RBFOX3: variants seen among roughly 807,000 people sequenced by gnomAD.
RBFOX3 encodes RNA binding fox-1 homolog 3, also known as RNA binding protein fox-1 homolog 3.
RBFOX3 carries 17 observed loss-of-function variants against 48.7 expected under a neutral mutation model. The observed-to-expected ratio is 0.35, with a 90% CI of 0.24 to 0.52. The LOEUF (loss-of-function observed/expected upper bound fraction) is 0.52. Among genes scored for constraint, RBFOX3 ranks in the 20% least tolerant of loss-of-function variants. RBFOX3 has a pLI of 0.94. For synonymous variants in RBFOX3, 212 were observed against 209.5 expected, an observed-to-expected ratio of 1.01 and a Z score of -0.10; for missense variants, 382 against 497.5, an observed-to-expected ratio of 0.77 and a Z score of 2.21.
intron 2 of RBFOX3, among the ~76,000 whole-genome samples, chr17:79,395,524 A>G (rs565718308): frequency 6.6e-6 from 1 of 152,348 alleles, no homozygotes; most frequent in Admixed American, 6.5e-5. Flanking sequence ...CTCAGCACAC[A>G]AGCCAAGAGC....
intron 4 of RBFOX3, among the ~76,000 whole-genome samples, chr17:79,144,805 C>A (rs892644726): frequency 2.6e-5 from 4 of 152,198 alleles, no homozygotes; most frequent in East Asian, 1.9e-4. Context: ...CAAAGACCAG[C>A]CTGAAGTGTA....
intron 3 of RBFOX3, among the ~76,000 whole-genome samples, chr17:79,274,190 A>C (rs1027653303): frequency 6.6e-6 from 1 of 151,902 alleles, no homozygotes; most frequent in African/African-American, 2.4e-5. Context: ...CCCTCCTACA[A>C]TTGTTCTCAA....
chr17:79,497,371 C>T (rs1210252060), intron 1 of RBFOX3, among the ~76,000 whole-genome samples: 1 of 152,244 alleles, frequency 6.6e-6, no homozygotes, highest in Admixed American at 6.5e-5. Context: ...CTGCCTCAGA[C>T]CCCTAAGGCT....
At chr17:79,334,855 G>A (rs1453283704) in intron 2 of RBFOX3, among the ~76,000 whole-genome samples, 1 of 152,222 alleles carries the variant, frequency 6.6e-6, no homozygotes, top group Non-Finnish European at 1.5e-5. Context: ...TGCCTGGCAC[G>A]TAGCAAGTGT....
At chr17:79,525,697 A>G (rs1387068977) in intron 1 of RBFOX3, among the ~76,000 whole-genome samples, 1 of 152,236 alleles carries the variant, frequency 6.6e-6, no homozygotes, top group Non-Finnish European at 1.5e-5. Context: ...TAGAATTCCA[A>G]TCACCATCAT....
At chr17:79,246,842 T>C (rs1284571823) in intron 3 of RBFOX3, among the ~76,000 whole-genome samples, 5 of 152,112 alleles carry the variant, frequency 3.3e-5, no homozygotes, top group African/African-American at 1.2e-4. Context: ...CATGTGTGGC[T>C]GTGAGCAGTG....
intron 2 of RBFOX3, among the ~76,000 whole-genome samples, chr17:79,408,876 TGTATCATTTA>T (rs1441892004): frequency 2.0e-5 from 3 of 152,150 alleles, no homozygotes; most frequent in African/African-American, 7.2e-5. Flanking sequence ...CATTTTAAAG[TGTATCATTTA>T]GTATCATTTA....
chr17:79,369,392 C>T (rs954727295), intron 2 of RBFOX3, among the ~76,000 whole-genome samples: 2 of 152,190 alleles, frequency 1.3e-5, no homozygotes, highest in Non-Finnish European at 2.9e-5. Flanking sequence ...TGACCCTTGC[C>T]GTGACTGCTG....
rs999303266 is a variant in RBFOX3 at position 79,610,857 on chromosome 17, G to C, written c.-351C>G. Among the ~76,000 whole-genome samples the C allele has an allele frequency of 6.6e-6, 1 of 151,780 alleles. No homozygotes were observed. The highest frequency in any genetic ancestry group is 1.5e-5 in the Non-Finnish European group (1 of 67,918). On this transcript the variant is annotated 5_prime_UTR_variant, in exon 1 of 15. Transcript: ENST00000693108. ...AGCGCTCCCCGCGGCAGGTGACTGGGGGCCGGCGGCCATGCCCCGGCTGCA... is the reference window on the plus strand; with the variant it reads ...AGCGCTCCCCGCGGCAGGTGACTGGCGGCCGGCGGCCATGCCCCGGCTGCA...
chr17:79,252,643 G>A lies in RBFOX3; in HGVS notation c.-73-16838C>T, dbSNP rs2064148920. 6.6e-6 allele frequency among the ~76,000 whole-genome samples: 1 copy of A among 152,188 alleles called. No individual in the cohort carries two copies. The highest frequency in any genetic ancestry group is 2.4e-5 in the African/African-American group (1 of 41,450). On this transcript the variant is annotated intron_variant, in intron 3 of 14. Transcript: ENST00000693108. This position sits in a 1 kb window ranked among gnomAD's most constrained non-coding sequence, Gnocchi z 4.0. Reference sequence around the variant, plus strand: ...CCAGAACTGCAAGGCCACCCATCCAGCTCGTTTCAAGCCGCTACGTTTGTT... The same window carrying A: ...CCAGAACTGCAAGGCCACCCATCCAACTCGTTTCAAGCCGCTACGTTTGTT...
chr17:79,547,050 C>T (rs918110685), intron 1 of RBFOX3, among the ~76,000 whole-genome samples: 10 of 152,158 alleles, frequency 6.6e-5, no homozygotes, highest in Non-Finnish European at 5.9e-5. Context: ...GAGCCTGACC[C>T]TTCCATCCAG....
At position 79,423,437 on chromosome 17, in the gene RBFOX3, T is replaced by A. The variant is rs1555723817; in HGVS notation, c.-175+59017A>T. Among the ~76,000 whole-genome samples the A allele has an allele frequency of 6.6e-6, 1 of 151,992 alleles. No individual in the cohort carries two copies. The highest frequency in any genetic ancestry group is 1.5e-5 in the Non-Finnish European group (1 of 67,996). On this transcript the variant is annotated intron_variant, in intron 2 of 14. Coordinates refer to ENST00000693108, the MANE Select transcript of RBFOX3 (RefSeq NM_001350451.2). The surrounding 1 kb of genome is among the most constrained non-coding windows in gnomAD (Gnocchi z 4.9). ...GCCGGACGTTTGCTATCTCTCTACCTCCGTGCCCAGCCCCCGGCTATTCTC... is the reference window on the plus strand; with the variant it reads ...GCCGGACGTTTGCTATCTCTCTACCACCGTGCCCAGCCCCCGGCTATTCTC...
intron 3 of RBFOX3, among the ~76,000 whole-genome samples, chr17:79,286,284 T>C (rs1040460323): frequency 6.6e-6 from 1 of 152,190 alleles, no homozygotes; most frequent in Non-Finnish European, 1.5e-5. Flanking sequence ...AGCCTGGTAA[T>C]TCCTGGCTTC....
intron 2 of RBFOX3, among the ~76,000 whole-genome samples, chr17:79,427,403 G>T (rs1184535275): frequency 6.6e-6 from 1 of 152,230 alleles, no homozygotes; most frequent in African/African-American, 2.4e-5. Context: ...TCTCTGAGGG[G>T]CGACTGCAGG....
chr17:79,236,178 G>GATGGTGAC (rs2061610141), intron 3 of RBFOX3, among the ~76,000 whole-genome samples: 1 of 152,226 alleles, frequency 6.6e-6, no homozygotes, highest in African/African-American at 2.4e-5. Context: ...GTGGCTTGTT[G>GATGGTGAC]ATGGTGACGT....
intron 9 of RBFOX3, chr17:79,099,818 T>A (rs1262461623): frequency 2.0e-5 from 3 of 152,244 alleles, no homozygotes; most frequent in Non-Finnish European, 4.4e-5. Flanking sequence ...CCGTAAATAG[T>A]TAACACCTGG....
At chr17:79,608,029 C>T (rs1415637540) in intron 1 of RBFOX3, among the ~76,000 whole-genome samples, 1 of 152,210 alleles carries the variant, frequency 6.6e-6, no homozygotes, top group Admixed American at 6.5e-5. Flanking sequence ...GGAGCCCTCC[C>T]CATGTCCTCA....
intron 2 of RBFOX3, among the ~76,000 whole-genome samples, chr17:79,315,482 G>T (rs1177196468): frequency 3.3e-5 from 5 of 152,338 alleles, no homozygotes; most frequent in African/African-American, 1.2e-4. Flanking sequence ...CCCATCCCCC[G>T]ACAGATGGGA....
chr17:79,591,036 T>C (rs1367178590), intron 1 of RBFOX3, among the ~76,000 whole-genome samples: 1 of 152,178 alleles, frequency 6.6e-6, no homozygotes, highest in African/African-American at 2.4e-5. Flanking sequence ...GAAGTTCCCG[T>C]GTCTGCCGGG....
Sources: allele counts gnomAD v4.1 joint callset (sites outside exome capture counted in the v4.1 genomes callset), GRCh38; gene constraint gnomAD v4.1.1; non-coding constraint Gnocchi (gnomAD v3.1); transcripts MANE v1.5; gene names NCBI Gene and HGNC (gene_info 2026-07-23, HGNC 2026-07-21).